AHI1: variants seen among roughly 807,000 people sequenced by gnomAD.
AHI1 encodes the protein jouberin.
A neutral mutation model predicts 149.3 loss-of-function variants in AHI1; 123 were observed. The ratio of observed to expected loss-of-function variants is 0.82; its 90% CI spans 0.71 to 0.96. The LOEUF (loss-of-function observed/expected upper bound fraction) is 0.96. AHI1 is among the 40% of genes least tolerant of loss of function. The pLI is 0.00. For missense variants in AHI1, 1,439 were observed against 1,422.7 expected (o/e 1.01, Z -0.18); for synonymous variants, 475 against 459.8 (o/e 1.03, Z -0.42).
At chr6:135,442,479 T>C in intron 14 of AHI1, 103 bp downstream of exon 14, 1 of 1,272,254 alleles carries the variant, frequency 7.9e-7, no homozygotes, top group Non-Finnish European at 1.1e-6. Flanking sequence ...AATTTAGTAG[T>C]ACAGGGGATT....
rs540632116 is a variant in AHI1, at chr6:135,334,621, T to C, written c.3166-11297A>G. ...TAATCGGTATTACATTGAAAAAGTT[T>C]CTAAAATAACATCTTTTTATTGGCT... On this transcript the variant is annotated intron_variant, in intron 24 of 28. Coordinates refer to ENST00000265602, the MANE Select transcript of AHI1 (RefSeq NM_001134831.2). Among the ~76,000 whole-genome samples the C allele has an allele frequency of 5.9e-5, 9 of 152,368 alleles. No individual in the cohort carries two copies. In the South Asian group the frequency reaches 1.4e-3, roughly 25 times the overall value.
In AHI1 at chr6:135,343,635, G is replaced by GAAA. The variant is rs200714419; in HGVS notation, c.3165+14494_3165+14496dup. On this transcript the variant is annotated intron_variant, in intron 24 of 28. Coordinates refer to ENST00000265602, the MANE Select transcript of AHI1 (RefSeq NM_001134831.2). Reference sequence around the variant, plus strand: ...ACAAGGGTGCCAAGACCATTAAAAGGAAAAAAAAAAAACACCAAAAAACAA... The same window carrying GAAA: ...ACAAGGGTGCCAAGACCATTAAAAGGAAAAAAAAAAAAAAACACCAAAAAACAA... 3.4e-3 allele frequency among the ~76,000 whole-genome samples: 454 copies of GAAA among 133,868 alleles called. 3 individuals carry two copies. Among genetic ancestry groups the GAAA allele is most frequent in the African/African-American group, 0.011 (413 of 36,882 alleles). 87.8% of individuals were successfully genotyped at this position (133,868 alleles called of 152,430 possible).
intron 25 of AHI1, among the ~76,000 whole-genome samples, chr6:135,322,399 G>A (rs890448789): frequency 2.6e-5 from 4 of 151,808 alleles, no homozygotes; most frequent in Admixed American, 1.3e-4. Flanking sequence ...CTCTGCGTTC[G>A]TTCTGTTTTC....
chr6:135,356,995 G>A (rs532130361), intron 24 of AHI1, among the ~76,000 whole-genome samples: 1 of 152,194 alleles, frequency 6.6e-6, no homozygotes, highest in Non-Finnish European at 1.5e-5. Context: ...CTGAAGTGCA[G>A]TGGTGCAATC....
intron 24 of AHI1, among the ~76,000 whole-genome samples, chr6:135,344,627 T>G (rs1453290725): frequency 8.2e-6 from 1 of 122,506 alleles, no homozygotes; most frequent in Non-Finnish European, 1.7e-5. Flanking sequence ...CCTCCCTCCC[T>G]TCCTCCCTCC....
At chr6:135,475,937 TTACATTTGGA>T (rs1400471386) in intron 5 of AHI1, among the ~76,000 whole-genome samples, 9 of 152,200 alleles carry the variant, frequency 5.9e-5, no homozygotes, top group African/African-American at 1.9e-4. Flanking sequence ...TTTTAAAAAA[TTACATTTGGA>T]TTTACTGAAG....
chr6:135,440,696 T>C (rs1786154865), intron 14 of AHI1, among the ~76,000 whole-genome samples: 1 of 152,154 alleles, frequency 6.6e-6, no homozygotes, highest in Non-Finnish European at 1.5e-5. Flanking sequence ...TAAAAATCTC[T>C]GTCTAACCAC....
intron 5 of AHI1, among the ~76,000 whole-genome samples, chr6:135,470,647 G>C (rs185633198): frequency 6.6e-6 from 1 of 152,132 alleles, no homozygotes; most frequent in East Asian, 1.9e-4. Flanking sequence ...AAAAAGGAAC[G>C]AGATCATGTC....
intron 23 of AHI1, among the ~76,000 whole-genome samples, chr6:135,367,825 T>C (rs574513584): frequency 2.6e-5 from 4 of 152,204 alleles, no homozygotes; most frequent in Admixed American, 6.5e-5. Context: ...AGCTAAATAA[T>C]TGACCTTCAG....
At chr6:135,411,886 C>A (rs139200798) in intron 20 of AHI1, among the ~76,000 whole-genome samples, 1,598 of 152,170 alleles carry the variant, frequency 0.011, 14 homozygotes, top group Non-Finnish European at 0.017. Context: ...TATTCACAAG[C>A]CTCTCTAAAA....
chr6:135,474,862 G>A (rs1037294965), intron 5 of AHI1, among the ~76,000 whole-genome samples: 1 of 152,090 alleles, frequency 6.6e-6, no homozygotes, highest in African/African-American at 2.4e-5. Context: ...AAAGGATTTT[G>A]GTATGTATTT....
At chr6:135,287,297 C>T (rs934851930) in intron 28 of AHI1, among the ~76,000 whole-genome samples, 3 of 151,974 alleles carry the variant, frequency 2.0e-5, no homozygotes, top group South Asian at 2.1e-4. Context: ...AAATTCAACT[C>T]GAAAAATCTA....
chr6:135,305,064 G>A (rs1784381965), intron 26 of AHI1: 2 of 152,206 alleles, frequency 1.3e-5, no homozygotes, highest in South Asian at 4.1e-4. Context: ...GGTAAAAGGT[G>A]CAATGAAGAC....
intron 27 of AHI1, among the ~76,000 whole-genome samples, chr6:135,295,500 G>A (rs1322225458): frequency 6.6e-6 from 1 of 152,090 alleles, no homozygotes; most frequent in Non-Finnish European, 1.5e-5. Flanking sequence ...TTCACACAAA[G>A]ACTTGTATAT....
chr6:135,304,020 T>G (rs967481652), intron 26 of AHI1, among the ~76,000 whole-genome samples: 1 of 152,224 alleles, frequency 6.6e-6, no homozygotes, highest in Non-Finnish European at 1.5e-5. Context: ...AATGTATGTA[T>G]GTATATATTT....
At chr6:135,339,505 A>C (rs1789964654) in intron 24 of AHI1, among the ~76,000 whole-genome samples, 1 of 152,224 alleles carries the variant, frequency 6.6e-6, no homozygotes, top group African/African-American at 2.4e-5. Flanking sequence ...TAGAGATATA[A>C]TTTTAAAAAA....
chr6:135,368,513 G>T (rs1028545395), intron 23 of AHI1, among the ~76,000 whole-genome samples: 1 of 152,118 alleles, frequency 6.6e-6, no homozygotes, highest in Non-Finnish European at 1.5e-5. Context: ...GTGGTGGTGG[G>T]GGGCACCCGC....
chr6:135,323,625 C>T (rs549510137), intron 24 of AHI1, among the ~76,000 whole-genome samples: 24 of 152,148 alleles, frequency 1.6e-4, no homozygotes, highest in Non-Finnish European at 2.9e-4. Context: ...AAAAAGCTCA[C>T]ACACCATTTA....
At chr6:135,460,104 A>G (rs1047886973) in intron 8 of AHI1, among the ~76,000 whole-genome samples, 2 of 152,010 alleles carry the variant, frequency 1.3e-5, no homozygotes, top group Non-Finnish European at 2.9e-5. Context: ...GATCGCTTGA[A>G]CCTGGGAAGT....
Sources: allele counts gnomAD v4.1 joint callset (sites outside exome capture counted in the v4.1 genomes callset), GRCh38; gene constraint gnomAD v4.1.1; transcripts MANE v1.5; gene names NCBI Gene and HGNC (gene_info 2026-07-23, HGNC 2026-07-21).